Variants in ATXN7L1 observed in about 807,000 individuals in gnomAD.
The protein encoded by ATXN7L1 is ataxin 7 like 1, also known as ataxin-7-like protein 1.
In ATXN7L1, 15 loss-of-function variants were observed where a neutral mutation model predicts 70.8. The ratio of observed to expected loss-of-function variants is 0.21; its 90% CI spans 0.14 to 0.33. ATXN7L1 has a LOEUF of 0.33. ATXN7L1 is among the 10% of genes least tolerant of loss of function. ATXN7L1 has a pLI of 1.00. For synonymous variants in ATXN7L1, 440 were observed against 445.1 expected (o/e 0.99, Z 0.14); for missense variants, 975 against 1,097.1 (o/e 0.89, Z 1.57).
chr7:105,705,512 A>G lies in ATXN7L1; in HGVS notation c.356-40224T>C, dbSNP rs186902142. Among the ~76,000 whole-genome samples, 466 of 152,128 alleles carry G rather than the reference A, an allele frequency of 3.1e-3. 1 individual carries two copies. Among genetic ancestry groups the G allele is most frequent in the Non-Finnish European group, 4.8e-3 (329 of 68,000 alleles). On this transcript the variant is annotated intron_variant, in intron 3 of 11. Transcript: ENST00000419735. ...TTATTTTGATTGACATATGGCCTTG[A>G]GGGATGTCTAAGGGCCTCTCCTATC...
intron 2 of ATXN7L1, among the ~76,000 whole-genome samples, chr7:105,822,090 TC>T (rs556013661): frequency 3.3e-5 from 5 of 152,182 alleles, no homozygotes; most frequent in Non-Finnish European, 5.9e-5. Context: ...CTGAAATTCT[TC>T]AAGTCTTAGG....
At chr7:105,636,768 C>T (rs1487059965) in intron 7 of ATXN7L1, among the ~76,000 whole-genome samples, 1 of 152,072 alleles carries the variant, frequency 6.6e-6, no homozygotes, top group Admixed American at 6.6e-5. Flanking sequence ...CCTTGGGGAA[C>T]CCAAGGATAT....
At chr7:105,853,285 AC>A (rs1170118770) in intron 2 of ATXN7L1, among the ~76,000 whole-genome samples, 3 of 152,252 alleles carry the variant, frequency 2.0e-5, no homozygotes, top group African/African-American at 7.2e-5. Context: ...GCAGTGACTC[AC>A]GCCTGTAATC....
intron 3 of ATXN7L1, among the ~76,000 whole-genome samples, chr7:105,737,551 G>C (rs1324004558): frequency 6.6e-6 from 1 of 151,756 alleles, no homozygotes; most frequent in Non-Finnish European, 1.5e-5. Flanking sequence ...GTGTGTGTGT[G>C]TGTGTGTGTG....
chr7:105,758,105 C>T (rs1231367112), intron 3 of ATXN7L1, among the ~76,000 whole-genome samples: 1 of 152,256 alleles, frequency 6.6e-6, no homozygotes, highest in East Asian at 1.9e-4. Context: ...TCATGGACTG[C>T]TCTCTTCTTG....
At chr7:105,668,493 T>C (rs1277522281) in intron 3 of ATXN7L1, among the ~76,000 whole-genome samples, 25 of 152,174 alleles carry the variant, frequency 1.6e-4, no homozygotes, top group Admixed American at 1.6e-3. Context: ...CCTCAAGAGT[T>C]TCTCTTGAGC....
In ATXN7L1 at chr7:105,861,247, C is replaced by T. The variant is rs145766055; in HGVS notation, c.250+14565G>A. Among the ~76,000 whole-genome samples, 276 of 152,098 alleles carry T rather than the reference C, an allele frequency of 1.8e-3. 1 individual carries two copies. Among genetic ancestry groups the T allele is most frequent in the African/African-American group, 6.3e-3 (262 of 41,472 alleles). On this transcript the variant is annotated intron_variant, in intron 2 of 11. Transcript: ENST00000419735. ...GACTTTGAATGCTGTGTTAACTGGT[C>T]GATGAGGGAGTGCTGAGAGGTTTTC...
chr7:105,617,972 C>T (rs758115246), intron 9 of ATXN7L1: 17 of 456,626 alleles, frequency 3.7e-5, no homozygotes, highest in East Asian at 1.4e-4. Flanking sequence ...GAGAGGGTAG[C>T]GGGGTGCTAC....
chr7:105,649,471 T>C (rs1349805600), intron 4 of ATXN7L1: 1 of 987,730 alleles, frequency 1.0e-6, no homozygotes, highest in Non-Finnish European at 1.2e-6. Context: ...CCTGTCTGAA[T>C]TTATCTTTCT....
intron 3 of ATXN7L1, among the ~76,000 whole-genome samples, chr7:105,695,383 A>G (rs970546706): frequency 7.5e-6 from 1 of 133,606 alleles, no homozygotes; most frequent in African/African-American, 2.7e-5. Context: ...TTCATAGTGA[A>G]TGTGCCTAAC....
intron 3 of ATXN7L1, among the ~76,000 whole-genome samples, chr7:105,715,108 T>C (rs1038643079): frequency 1.3e-5 from 2 of 152,180 alleles, no homozygotes; most frequent in African/African-American, 4.8e-5. Flanking sequence ...ACAATAGTAG[T>C]AAGACCATAA....
At chr7:105,725,590 T>G (rs1670324226) in intron 3 of ATXN7L1, among the ~76,000 whole-genome samples, 1 of 151,704 alleles carries the variant, frequency 6.6e-6, no homozygotes. Flanking sequence ...TTCCTTTTTT[T>G]TTTTTTTTGA....
chr7:105,811,541 G>A (rs1585059318), intron 2 of ATXN7L1, among the ~76,000 whole-genome samples: 1 of 152,222 alleles, frequency 6.6e-6, no homozygotes, highest in South Asian at 2.1e-4. Context: ...TGCTGGAGAT[G>A]TCAAGCAGGT....
intron 2 of ATXN7L1, among the ~76,000 whole-genome samples, chr7:105,840,152 G>A (rs779367549): frequency 2.6e-5 from 4 of 152,198 alleles, no homozygotes; most frequent in Non-Finnish European, 4.4e-5. Context: ...GTGAGGGGCT[G>A]TATGCCAACT....
At chr7:105,745,432 A>G (rs1798474460) in intron 3 of ATXN7L1, among the ~76,000 whole-genome samples, 1 of 152,112 alleles carries the variant, frequency 6.6e-6, no homozygotes. Context: ...CGTGTACGGG[A>G]ATTCCGTTTG....
At chr7:105,735,137 T>C (rs1001747218) in intron 3 of ATXN7L1, among the ~76,000 whole-genome samples, 1 of 152,204 alleles carries the variant, frequency 6.6e-6, no homozygotes, top group Admixed American at 6.5e-5. Context: ...AAATCCTTTT[T>C]TCCTCAGCCA....
At chr7:105,804,612 T>C (rs1422390398) in intron 2 of ATXN7L1, among the ~76,000 whole-genome samples, 1 of 152,186 alleles carries the variant, frequency 6.6e-6, no homozygotes, top group East Asian at 1.9e-4. Context: ...GATAGACCCT[T>C]AAGGAGAAGA....
chr7:105,659,878 CTCTT>C (rs1280876463), intron 4 of ATXN7L1, among the ~76,000 whole-genome samples: 2 of 151,960 alleles, frequency 1.3e-5, no homozygotes, highest in African/African-American at 2.4e-5. Flanking sequence ...CATTTCTTTT[CTCTT>C]TCTTTTTTTT....
At chr7:105,835,081 G>C (rs936336678) in intron 2 of ATXN7L1, among the ~76,000 whole-genome samples, 2 of 150,510 alleles carry the variant, frequency 1.3e-5, no homozygotes, top group Non-Finnish European at 2.9e-5. Context: ...TGCAGGAGGG[G>C]CTTCACTTTC....
Sources: allele counts gnomAD v4.1 joint callset (sites outside exome capture counted in the v4.1 genomes callset), GRCh38; gene constraint gnomAD v4.1.1; transcripts MANE v1.5; gene names NCBI Gene and HGNC (gene_info 2026-07-23, HGNC 2026-07-21).